Variants in CA10 observed in about 807,000 individuals in gnomAD.
The protein encoded by CA10 is carbonic anhydrase 10 (inactive), also known as carbonic anhydrase-related protein 10.
In CA10, 14 loss-of-function variants were observed where a neutral mutation model predicts 44.2. The ratio of observed to expected loss-of-function variants is 0.32; its 90% confidence interval spans 0.21 to 0.50. CA10 has a LOEUF of 0.50. Among genes scored for constraint, CA10 ranks in the 20% least tolerant of loss-of-function variants. CA10 has a pLI of 0.99. For missense variants in CA10, 350 were observed against 409.7 expected (o/e 0.85, Z 1.26); for synonymous variants, 159 against 141.6 (o/e 1.12, Z -0.87).
At chr17:52,146,518 G>A (rs550342444) in intron 1 of CA10, among the ~76,000 whole-genome samples, 69 of 151,872 alleles carry the variant, frequency 4.5e-4, no homozygotes, top group African/African-American at 1.5e-3. Flanking sequence ...GTGAAACCCC[G>A]CCTCTACTAA....
At chr17:51,857,774 A>C (rs147748335) in intron 3 of CA10, among the ~76,000 whole-genome samples, 61 of 152,316 alleles carry the variant, frequency 4.0e-4, no homozygotes, top group African/African-American at 1.3e-3. Flanking sequence ...GGATGACACA[A>C]GCACAATATT....
At position 52,044,747 on chromosome 17, in the gene CA10, C is replaced by A. The variant is rs138250926; in HGVS notation, c.136+27572G>T. On this transcript the variant is annotated intron_variant, in intron 2 of 8. Transcript: ENST00000451037. ...ATACTGCAGAAGAAAAGATCTTGAA[C>A]TAGAAGAAACAGCAACAGAAACTAT... is the stretch of plus-strand genomic sequence containing the variant. Among the ~76,000 whole-genome samples, 752 of 131,464 alleles carry A rather than the reference C, an allele frequency of 5.7e-3. 4 individuals carry two copies. Among genetic ancestry groups the A allele is most frequent in the African/African-American group, 0.02 (696 of 34,754 alleles). 86.2% of individuals were successfully genotyped at this position (131,464 alleles called of 152,430 possible).
chr17:51,722,640 T>C (rs1182922786), intron 4 of CA10, among the ~76,000 whole-genome samples: 1 of 152,220 alleles, frequency 6.6e-6, no homozygotes, highest in Admixed American at 6.5e-5. Flanking sequence ...ATACAGTTTC[T>C]TATTTGACAC....
chr17:51,875,853 C>T lies in CA10; in HGVS notation c.279+55137G>A, dbSNP rs182972887. On this transcript the variant is annotated intron_variant, in intron 3 of 8. Transcript: ENST00000451037. ...TCTGACACTTCTTACTCCTGGAGAC[C>T]GCTGATTGTTATCTATTCCTATTTC... 3.3e-5 allele frequency among the ~76,000 whole-genome samples: 5 copies of T among 152,186 alleles called. No individual in the cohort carries two copies. In the East Asian group the frequency reaches 5.8e-4, roughly 18 times the overall value.
chr17:52,127,689 A>C (rs1024278982), intron 1 of CA10, among the ~76,000 whole-genome samples: 2 of 152,156 alleles, frequency 1.3e-5, no homozygotes, highest in Non-Finnish European at 2.9e-5. Context: ...AGGTGAAAGG[A>C]TCTCAGCTGG....
At chr17:51,866,574 C>T (rs983978307) in intron 3 of CA10, among the ~76,000 whole-genome samples, 2 of 152,194 alleles carry the variant, frequency 1.3e-5, no homozygotes, top group Non-Finnish European at 2.9e-5. Context: ...CTCTTAATTG[C>T]CCTTGCTCCT....
At chr17:51,748,691 G>A (rs188767377) in intron 3 of CA10, 104 of 157,662 alleles carry the variant, frequency 6.6e-4, no homozygotes, top group African/African-American at 2.4e-3. Context: ...TGGGTTACAG[G>A]AGGCTGAACT....
At chr17:52,105,592 T>C (rs1005776595) in intron 1 of CA10, among the ~76,000 whole-genome samples, 3 of 152,218 alleles carry the variant, frequency 2.0e-5, no homozygotes, top group African/African-American at 7.2e-5. Flanking sequence ...GCAAGGTTCT[T>C]ACCCGCTTCT....
chr17:52,068,815 G>C (rs958989273), intron 2 of CA10, among the ~76,000 whole-genome samples: 7 of 152,294 alleles, frequency 4.6e-5, no homozygotes, highest in Non-Finnish European at 7.4e-5. Flanking sequence ...TCCTTACATG[G>C]CATGAATAGA....
intron 1 of CA10, among the ~76,000 whole-genome samples, chr17:52,122,907 A>T (rs759065326): frequency 1.3e-5 from 2 of 152,216 alleles, no homozygotes. Context: ...ATACCATCAA[A>T]GACTCTTTTT....
intron 3 of CA10, among the ~76,000 whole-genome samples, chr17:51,753,765 G>A (rs962973643): frequency 6.6e-5 from 10 of 152,150 alleles, no homozygotes; most frequent in East Asian, 5.8e-4. Context: ...GCCATCAGTC[G>A]GGGGCCAGAA....
intron 4 of CA10, among the ~76,000 whole-genome samples, chr17:51,739,698 T>G (rs1904379753): frequency 6.6e-6 from 1 of 152,168 alleles, no homozygotes; most frequent in Non-Finnish European, 1.5e-5. Flanking sequence ...CAGAAGTAAT[T>G]ATAAAAATGT....
At chr17:51,923,130 G>A (rs551617159) in intron 3 of CA10, among the ~76,000 whole-genome samples, 3 of 152,276 alleles carry the variant, frequency 2.0e-5, no homozygotes, top group African/African-American at 7.2e-5. Flanking sequence ...GACCTTTGGT[G>A]CTTAAAGACA....
chr17:51,810,372 G>T (rs575030457), intron 3 of CA10, among the ~76,000 whole-genome samples: 20 of 152,184 alleles, frequency 1.3e-4, no homozygotes, highest in Non-Finnish European at 2.8e-4. Context: ...AGGGTTTCTA[G>T]CCTGGACAGG....
chr17:51,753,842 A>G (rs2143619867), intron 3 of CA10, among the ~76,000 whole-genome samples: 1 of 152,036 alleles, frequency 6.6e-6, no homozygotes, highest in African/African-American at 2.4e-5. Context: ...TAGGTTGTGC[A>G]GTTTTTGTTT....
intron 3 of CA10, among the ~76,000 whole-genome samples, chr17:51,754,771 A>G (rs893717542): frequency 9.9e-5 from 15 of 152,166 alleles, no homozygotes; most frequent in African/African-American, 3.6e-4. Flanking sequence ...GGCCCAGCCA[A>G]GTTAACACAT....
At chr17:51,918,322 T>C (rs1272374722) in intron 3 of CA10, among the ~76,000 whole-genome samples, 25 of 152,206 alleles carry the variant, frequency 1.6e-4, no homozygotes, top group Admixed American at 1.6e-3. Flanking sequence ...AAAAATAGTT[T>C]CTGAATATTT....
intron 4 of CA10, among the ~76,000 whole-genome samples, chr17:51,746,982 G>A (rs1047099277): frequency 1.3e-5 from 2 of 152,140 alleles, no homozygotes; most frequent in African/African-American, 2.4e-5. Flanking sequence ...CCAGTATAAC[G>A]GGGGTAAAAC....
At chr17:52,052,600 T>A (rs760096429) in intron 2 of CA10, among the ~76,000 whole-genome samples, 7 of 152,096 alleles carry the variant, frequency 4.6e-5, no homozygotes, top group Non-Finnish European at 8.8e-5. Context: ...TGAGGAGTTT[T>A]CAGAAGATAT....
Sources: gnomAD v4.1 joint callset for allele counts (sites outside exome capture counted in the v4.1 genomes callset) on GRCh38, gnomAD v4.1.1 for gene constraint, MANE v1.5 for transcripts, NCBI Gene and HGNC (gene_info 2026-07-23, HGNC 2026-07-21) for gene names.